The following SMIM19 variants were observed in gnomAD, a reference collection of about 807,000 sequenced individuals.
SMIM19 encodes UPF0697 protein C8orf40.
A neutral mutation model predicts 13.2 loss-of-function variants in SMIM19; 6 were observed. The ratio of observed to expected loss-of-function variants is 0.45; its 90% CI spans 0.25 to 0.90. SMIM19 has a LOEUF of 0.90. Ranked by LOEUF, SMIM19 falls within the 40% of genes least tolerant of loss-of-function variation. The pLI, the probability that SMIM19 is intolerant of heterozygous loss-of-function variation, is 0.19. For missense variants in SMIM19, 138 were observed against 131.0 expected (o/e 1.05, Z -0.26); for synonymous variants, 46 against 43.1 (o/e 1.07, Z -0.27).
intron 3 of SMIM19, among the ~76,000 whole-genome samples, chr8:42,551,101 C>G (rs1007559423): frequency 2.6e-5 from 4 of 151,414 alleles, no homozygotes; most frequent in African/African-American, 9.7e-5. Flanking sequence ...GGTGGATCAC[C>G]AGGTCAGGAG....
At chr8:42,546,844 A>G (rs2974347) in intron 2 of SMIM19, among the ~76,000 whole-genome samples, 94,966 of 151,292 alleles carry the variant, frequency 0.63, 29,984 homozygotes, top group South Asian at 0.68. Flanking sequence ...TTAGCTGGGC[A>G]TGGTGGTGCG....
At position 42,546,577 on chromosome 8, in the gene SMIM19, T is replaced by C. The variant is rs1424955168; in HGVS notation, c.105T>C (p.Val35=). Residue 35 remains valine, a synonymous_variant, in exon 2 of 4, where the codon GTT becomes GTC. Coordinates refer to ENST00000417410, the MANE Select transcript of SMIM19 (RefSeq NM_001135674.2). ...ATGTTTACTTGATAGTTATCCTTGTTAGCTTCGGTCTCTTCATGTATGCCA... is the reference window on the plus strand; with the variant it reads ...ATGTTTACTTGATAGTTATCCTTGTCAGCTTCGGTCTCTTCATGTATGCCA... ...ATNVYLIVIL[V]SFGLFMYAKR... The C allele has an allele frequency of 6.2e-7, 1 of 1,614,202 alleles. No individual in the cohort carries two copies. Among genetic ancestry groups the C allele is most frequent in the South Asian group, 1.1e-5 (1 of 91,078 alleles).
intron 3 of SMIM19, among the ~76,000 whole-genome samples, chr8:42,551,323 A>G (rs892344825): frequency 3.3e-5 from 5 of 151,992 alleles, no homozygotes; most frequent in African/African-American, 7.3e-5. Flanking sequence ...AAAAAAAAAA[A>G]AAAAAACTTA....
In SMIM19 at chr8:42,554,702, T is replaced by A. The variant is rs1004926257; in HGVS notation, c.*2094T>A. 1 of 152,228 alleles carries A rather than the reference T, an allele frequency of 6.6e-6. No homozygotes were observed. The highest frequency in any genetic ancestry group is 2.4e-5 in the African/African-American group (1 of 41,450). The allele number at this position is 152,228 out of a possible 1,614,324, so 9.4% of individuals were successfully genotyped here. On this transcript the variant is annotated 3_prime_UTR_variant, in exon 4 of 4. Transcript: ENST00000417410. ...GAGAGCGCAAGCCCTGCAGCCACAC[T>A]TCAAAGCGGCGCTGACTGGCTGTCC...
intron 3 of SMIM19, among the ~76,000 whole-genome samples, chr8:42,551,378 A>AT (rs1166245007): frequency 6.6e-6 from 1 of 151,978 alleles, no homozygotes; most frequent in Non-Finnish European, 1.5e-5. Context: ...TGACACAAAG[A>AT]TTTTTAGCCC....
intron 3 of SMIM19, 143 bp downstream of exon 3, chr8:42,548,923 G>T: frequency 1.1e-6 from 1 of 873,534 alleles, no homozygotes; most frequent in Non-Finnish European, 1.7e-6. Flanking sequence ...ATGTTTTTCA[G>T]ATACTTATCC....
chr8:42,551,254 C>T (rs1251965510), intron 3 of SMIM19, among the ~76,000 whole-genome samples: 1 of 148,750 alleles, frequency 6.7e-6, no homozygotes, highest in African/African-American at 2.5e-5. Flanking sequence ...GGAGGCAGAA[C>T]TTGCAGGGAG....
chr8:42,547,796 C>T (rs1384283546), intron 2 of SMIM19, among the ~76,000 whole-genome samples: 1 of 152,168 alleles, frequency 6.6e-6, no homozygotes, highest in Non-Finnish European at 1.5e-5. Context: ...TGCTTTTCCA[C>T]ATTCCCTGGC....
intron 1 of SMIM19, among the ~76,000 whole-genome samples, chr8:42,544,502 T>C (rs915972271): frequency 3.3e-5 from 5 of 152,104 alleles, no homozygotes; most frequent in African/African-American, 1.2e-4. Context: ...ATCTAGGAAT[T>C]GGGTATAGTC....
chr8:42,552,607 G>A lies in SMIM19; in HGVS notation c.323G>A (p.Ter108=), dbSNP rs1813711284. ...GACAGTGTGCAACTCTCATTGGAATGAAACCTCAGAAAAAGAGCAACAGAA... is the reference window on the plus strand; with the variant it reads ...GACAGTGTGCAACTCTCATTGGAATAAAACCTCAGAAAAAGAGCAACAGAA... ...QADSVQLSLE[*] Residue 108 remains the stop codon, a stop_retained_variant, in exon 4 of 4, where the codon TGA becomes TAA. Transcript: ENST00000417410. 1 of 1,613,816 alleles carries A rather than the reference G, an allele frequency of 6.2e-7. No homozygotes were observed. Among genetic ancestry groups the A allele is most frequent in the Admixed American group, 1.7e-5 (1 of 59,984 alleles).
intron 3 of SMIM19, 121 bp from the exon 4 acceptor site, chr8:42,552,419 GAAAC>G (rs1413984031): frequency 2.6e-5 from 26 of 1,003,520 alleles, no homozygotes; most frequent in Admixed American, 1.7e-4. Flanking sequence ...CTCTATCTCT[GAAAC>G]AAACAGACAA....
intron 2 of SMIM19, 67 bp downstream of exon 2, chr8:42,546,673 T>C (rs1813498561): frequency 6.4e-7 from 1 of 1,555,958 alleles, no homozygotes. Context: ...TTAAGAAATA[T>C]GAAATGAATG....
intron 3 of SMIM19, among the ~76,000 whole-genome samples, chr8:42,551,569 T>C (rs2131498981): frequency 6.6e-6 from 1 of 152,338 alleles, no homozygotes; most frequent in African/African-American, 2.4e-5. Flanking sequence ...TCAAATTCCT[T>C]ATGTGTGGAC....
chr8:42,542,478 AG>A, intron 1 of SMIM19, 105 bp downstream of exon 1: 3 of 985,244 alleles, frequency 3.0e-6, no homozygotes, highest in Non-Finnish European at 3.6e-6. Flanking sequence ...AAGGGACTCT[AG>A]GAACTAAGTG....
intron 1 of SMIM19, among the ~76,000 whole-genome samples, chr8:42,544,228 G>A (rs1446071952): frequency 1.3e-5 from 2 of 152,064 alleles, no homozygotes; most frequent in Admixed American, 6.6e-5. Context: ...TGGCTTACAC[G>A]GTGAAACCCC....
At chr8:42,545,036 C>T (rs1813429588) in intron 1 of SMIM19, among the ~76,000 whole-genome samples, 1 of 152,218 alleles carries the variant, frequency 6.6e-6, no homozygotes, top group African/African-American at 2.4e-5. Context: ...TAGAAAATGA[C>T]TGATTCTCAG....
At chr8:42,548,278 C>CA (rs1225066259) in intron 2 of SMIM19, 1 of 413,802 alleles carries the variant, frequency 2.4e-6, no homozygotes, top group East Asian at 7.2e-5. Context: ...GATCTGCTCA[C>CA]ATTCAGTTTA....
At position 42,552,716 on chromosome 8, in the gene SMIM19, T is replaced by C; in HGVS notation, c.*108T>C. ...TCTGTCTGCATAAAATTATTTTACT[T>C]GTAACTTTTCCCCAATTGTTCTGTG... On this transcript the variant is annotated 3_prime_UTR_variant, in exon 4 of 4. Coordinates refer to ENST00000417410, the MANE Select transcript of SMIM19 (RefSeq NM_001135674.2). 2 of 1,336,888 alleles carry C rather than the reference T, an allele frequency of 1.5e-6. No individual in the cohort carries two copies. Among genetic ancestry groups the C allele is most frequent in the Admixed American group, 2.0e-5 (1 of 49,400 alleles). The allele number at this position is 1,336,888 out of a possible 1,614,324, so 82.8% of individuals were successfully genotyped here. A position where few individuals can be genotyped will look rare whatever the true frequency, so the allele number is the denominator to read the frequency against.
intron 2 of SMIM19, among the ~76,000 whole-genome samples, chr8:42,547,939 G>A (rs1272457584): frequency 1.3e-5 from 2 of 152,132 alleles, no homozygotes; most frequent in African/African-American, 2.4e-5. Context: ...AAAGGCATTC[G>A]AGAGTTCAAG....
Sources: allele counts gnomAD v4.1 joint callset (sites outside exome capture counted in the v4.1 genomes callset), GRCh38; gene constraint gnomAD v4.1.1; transcripts MANE v1.5; gene names NCBI Gene and HGNC (gene_info 2026-07-23, HGNC 2026-07-21).